The following CLASP2 variants were observed in gnomAD, a reference collection of about 807,000 sequenced individuals.
CLASP2 encodes cytoplasmic linker associated protein 2, also known as CLIP-associating protein 2.
CLASP2 carries 47 observed loss-of-function variants against 194.4 expected under a neutral mutation model. The observed-to-expected ratio is 0.24, with a 90% CI of 0.19 to 0.31. The LOEUF (loss-of-function observed/expected upper bound fraction) is 0.31. CLASP2 is among the 10% of genes least tolerant of loss of function. The probability of loss-of-function intolerance (pLI) is 1.00; values close to 1 mark genes in which losing one functional copy is unlikely to be tolerated. For missense variants in CLASP2, 1,445 were observed against 1,823.6 expected (o/e 0.79, Z 3.78); for synonymous variants, 619 against 633.5 (o/e 0.98, Z 0.34).
intron 34 of CLASP2, among the ~76,000 whole-genome samples, chr3:33,533,173 G>GCTACTACATAGTATT (rs1260907414): frequency 2.0e-5 from 3 of 152,164 alleles, no homozygotes; most frequent in African/African-American, 7.2e-5. Flanking sequence ...CCAGGCTGTT[G>GCTACTACATAGTATT]CTACTACATA....
At chr3:33,556,371 C>T (rs2060917392) in intron 29 of CLASP2, among the ~76,000 whole-genome samples, 1 of 151,874 alleles carries the variant, frequency 6.6e-6, no homozygotes, top group Admixed American at 6.6e-5. Context: ...TAAAGTATGG[C>T]TCCAATATAA....
chr3:33,660,157 AC>A (rs2085050021), intron 7 of CLASP2, among the ~76,000 whole-genome samples: 1 of 152,202 alleles, frequency 6.6e-6, no homozygotes, highest in African/African-American at 2.4e-5. Context: ...ACAGCCACCA[AC>A]ACTGTTAGTG....
intron 1 of CLASP2, among the ~76,000 whole-genome samples, chr3:33,711,759 C>G (rs1205070726): frequency 3.3e-5 from 5 of 151,858 alleles, no homozygotes; most frequent in Non-Finnish European, 7.4e-5. Context: ...AACTGGCCAA[C>G]AAACATATGA....
intron 29 of CLASP2, among the ~76,000 whole-genome samples, chr3:33,554,002 G>A (rs867213370): frequency 4.6e-5 from 7 of 152,208 alleles, no homozygotes; most frequent in African/African-American, 1.4e-4. Context: ...TGAGGTGGGC[G>A]GATCACCTGA....
chr3:33,633,753 G>A (rs1206688709), intron 8 of CLASP2, among the ~76,000 whole-genome samples: 1 of 152,050 alleles, frequency 6.6e-6, no homozygotes. Context: ...TAATACAAGA[G>A]TTTAAATTTT....
intron 21 of CLASP2, among the ~76,000 whole-genome samples, chr3:33,586,632 T>C (rs142192286): frequency 1.3e-5 from 2 of 152,236 alleles, no homozygotes; most frequent in East Asian, 1.9e-4. Flanking sequence ...CTACGTTGAA[T>C]AGAAAAAGTA....
At chr3:33,633,454 T>C (rs1456818060) in intron 8 of CLASP2, among the ~76,000 whole-genome samples, 1 of 152,204 alleles carries the variant, frequency 6.6e-6, no homozygotes, top group Non-Finnish European at 1.5e-5. Context: ...AAGTTGTTTC[T>C]GGTAGGCCCA....
intron 22 of CLASP2, among the ~76,000 whole-genome samples, chr3:33,582,954 C>T (rs2066481759): frequency 6.6e-6 from 1 of 152,196 alleles, no homozygotes; most frequent in Non-Finnish European, 1.5e-5. Flanking sequence ...TCGGTGCCAT[C>T]TACTCAATAA....
At chr3:33,675,005 G>C (rs1387829506) in intron 6 of CLASP2, among the ~76,000 whole-genome samples, 1 of 152,060 alleles carries the variant, frequency 6.6e-6, no homozygotes, top group Admixed American at 6.5e-5. Flanking sequence ...TTCTACCAGA[G>C]GTACAAGGAG....
intron 32 of CLASP2, among the ~76,000 whole-genome samples, chr3:33,541,204 T>C (rs965314222): frequency 6.6e-6 from 1 of 152,116 alleles, no homozygotes; most frequent in Non-Finnish European, 1.5e-5. Context: ...ATGTGCACTG[T>C]AGCACTATTC....
intron 25 of CLASP2, among the ~76,000 whole-genome samples, chr3:33,572,738 AAC>A (rs2064030721): frequency 6.6e-6 from 1 of 152,184 alleles, no homozygotes; most frequent in East Asian, 1.9e-4. Flanking sequence ...AATAAGCATA[AAC>A]ATTCTTCTTC....
intron 4 of CLASP2, 102 bp from the exon 5 acceptor site, chr3:33,687,237 T>C (rs556980974): frequency 1.5e-6 from 1 of 680,926 alleles, no homozygotes. Context: ...ACAAATATAG[T>C]GGACAGGATG....
At chr3:33,559,435 G>C in intron 28 of CLASP2, 50 bp from the exon 29 acceptor site, 1 of 997,752 alleles carries the variant, frequency 1.0e-6, no homozygotes. Context: ...TAGCAAGTAC[G>C]CATGTAACAG....
intron 12 of CLASP2, among the ~76,000 whole-genome samples, chr3:33,618,584 T>A (rs1577283561): frequency 6.6e-6 from 1 of 151,932 alleles, no homozygotes; most frequent in African/African-American, 2.4e-5. Flanking sequence ...GCGGCAGAGG[T>A]TGCAGTGAGC....
intron 37 of CLASP2, chr3:33,503,388 G>A (rs1040160026): frequency 6.6e-6 from 1 of 151,408 alleles, no homozygotes; most frequent in Non-Finnish European, 1.5e-5. Context: ...GAATAGAATA[G>A]GTGGGTTATA....
intron 9 of CLASP2, among the ~76,000 whole-genome samples, chr3:33,629,681 T>C (rs918139694): frequency 2.0e-5 from 3 of 152,094 alleles, no homozygotes; most frequent in African/African-American, 7.2e-5. Context: ...AACATGTGAC[T>C]TTCTCTAGCA....
chr3:33,530,450 A>T (rs985803376), intron 34 of CLASP2, among the ~76,000 whole-genome samples: 14 of 152,230 alleles, frequency 9.2e-5, no homozygotes, highest in African/African-American at 3.4e-4. Flanking sequence ...AGCCTAGGTG[A>T]CAGAGTAAGA....
intron 15 of CLASP2, 143 bp from the exon 16 acceptor site, chr3:33,606,901 T>C (rs192994013): frequency 3.0e-4 from 192 of 650,736 alleles, no homozygotes; most frequent in African/African-American, 1.8e-3. Flanking sequence ...ACTTTCTAAA[T>C]TGAACAAGTT....
At chr3:33,711,005 T>A (rs2092976553) in intron 1 of CLASP2, among the ~76,000 whole-genome samples, 1 of 152,144 alleles carries the variant, frequency 6.6e-6, no homozygotes, top group South Asian at 2.1e-4. Flanking sequence ...CTGACAATGA[T>A]GATTGCAGAA....
Sources: allele counts gnomAD v4.1 joint callset (sites outside exome capture counted in the v4.1 genomes callset), GRCh38; gene constraint gnomAD v4.1.1; transcripts MANE v1.5; gene names NCBI Gene and HGNC (gene_info 2026-07-23, HGNC 2026-07-21).